RNF8: variants seen among roughly 807,000 people sequenced by gnomAD.
The protein encoded by RNF8 is ring finger protein 8, also known as E3 ubiquitin-protein ligase RNF8.
A neutral mutation model predicts 59.3 loss-of-function variants in RNF8; 8 were observed. The observed-to-expected ratio is 0.13, with a 90% confidence interval of 0.08 to 0.24. The LOEUF (loss-of-function observed/expected upper bound fraction) is 0.24. Among genes scored for constraint, RNF8 ranks in the 10% least tolerant of loss-of-function variants. The probability of loss-of-function intolerance (pLI) is 1.00; values close to 1 mark genes in which losing one functional copy is unlikely to be tolerated. For missense variants in RNF8, 406 were observed against 572.6 expected, an observed-to-expected ratio of 0.71 and a Z score of 2.97; for synonymous variants, 162 against 200.0, an observed-to-expected ratio of 0.81 and a Z score of 1.60.
Position 37,358,078 on chromosome 6 carries a change from A to G in RNF8, c.112-2368A>G, listed in dbSNP as rs967275049. On this transcript the variant is annotated intron_variant, in intron 1 of 7. Transcript: ENST00000373479. Reference sequence around the variant, plus strand: ...GAGTAGGCTTATGAGTAGCTGGAACATGAAAGATAAGGAGCCTGTGCAAGA... The same window carrying G: ...GAGTAGGCTTATGAGTAGCTGGAACGTGAAAGATAAGGAGCCTGTGCAAGA... 3.9e-5 allele frequency among the ~76,000 whole-genome samples: 6 copies of G among 152,358 alleles called. No homozygotes were observed. In the South Asian group the frequency reaches 1.0e-3, roughly 26 times the overall value.
At chr6:37,386,151 A>G (rs1312249550) in intron 7 of RNF8, among the ~76,000 whole-genome samples, 1 of 152,050 alleles carries the variant, frequency 6.6e-6, no homozygotes, top group African/African-American at 2.4e-5. Flanking sequence ...TTTTTCCCCT[A>G]TCACTCTTAT....
intron 3 of RNF8, 112 bp downstream of exon 3, chr6:37,369,330 A>G: frequency 1.6e-6 from 2 of 1,276,224 alleles, no homozygotes; most frequent in Non-Finnish European, 2.1e-6. Flanking sequence ...TCTGAGCACC[A>G]AAGACAGGAA....
At chr6:37,388,077 T>G (rs1366490701) in intron 7 of RNF8, among the ~76,000 whole-genome samples, 1 of 152,134 alleles carries the variant, frequency 6.6e-6, no homozygotes, top group African/African-American at 2.4e-5. Context: ...TTAGTCTGGC[T>G]GTAGTGAAGA....
intron 7 of RNF8, among the ~76,000 whole-genome samples, chr6:37,389,913 G>A (rs531225121): frequency 5.3e-5 from 8 of 152,338 alleles, no homozygotes; most frequent in African/African-American, 1.9e-4. Flanking sequence ...AACTTCTGTA[G>A]TCCTTTCAAT....
intron 6 of RNF8, among the ~76,000 whole-genome samples, chr6:37,379,848 T>TA (rs1471056822): frequency 6.6e-6 from 1 of 152,228 alleles, no homozygotes; most frequent in Non-Finnish European, 1.5e-5. Context: ...TTTTTCTTTT[T>TA]AAAAAATTTG....
Position 37,387,581 on chromosome 6 carries a change from A to C in RNF8, c.1442-3161A>C, listed in dbSNP as rs377005069. 4.8e-4 allele frequency among the ~76,000 whole-genome samples: 73 copies of C among 152,278 alleles called. No individual in the cohort carries two copies. In the South Asian group the frequency reaches 0.014, roughly 29 times the overall value. ...GGTCTTGAACTCCTGGGCTCATAGG[A>C]TCAGCCCACCTCAGCTTCCCACAGC... On this transcript the variant is annotated intron_variant, in intron 7 of 7. Transcript: ENST00000373479.
In RNF8 at chr6:37,354,168, G is replaced by T; in HGVS notation, c.4G>T (p.Gly2Trp). 6.4e-7 allele frequency: 1 copy of T among 1,574,426 alleles called. No homozygotes were observed. Among genetic ancestry groups the T allele is most frequent in the East Asian group, 2.4e-5 (1 of 42,498 alleles). Residue 2 changes from glycine (G) to tryptophan (W), a missense_variant, in exon 1 of 8, where the codon GGG becomes TGG. Physicochemically the swap from Gly to Trp is radical, Grantham distance 184 (BLOSUM62 -2). Coordinates refer to ENST00000373479, the MANE Select transcript of RNF8 (RefSeq NM_003958.4). MGEPGFFVTGDR... is the reference protein window; with the variant it reads MWEPGFFVTGDR... ...CGCCCCCGGGGTCGAGTAGGCGATG[G>T]GGGAGCCCGGCTTCTTCGTCACAGG... is the stretch of plus-strand genomic sequence containing the variant.
rs371153772 is a variant in RNF8, at chr6:37,392,181, A to G, written c.*1423A>G. On this transcript the variant is annotated 3_prime_UTR_variant, in exon 8 of 8. Coordinates refer to ENST00000373479, the MANE Select transcript of RNF8 (RefSeq NM_003958.4). ...TAAAAGTACTTACTATAACCACATC[A>G]TAAGAATTCTGGAAAAATAGAGAAC... 1 of 326,018 alleles carries G rather than the reference A, an allele frequency of 3.1e-6. No homozygotes were observed. The highest frequency in any genetic ancestry group is 4.8e-5 in the East Asian group (1 of 20,820). The allele number at this position is 326,018 out of a possible 1,614,324, so 20.2% of individuals were successfully genotyped here. A position where few individuals can be genotyped will look rare whatever the true frequency, so the allele number is the denominator to read the frequency against.
chr6:37,383,300 T>G lies in RNF8; in HGVS notation c.1441+1946T>G, dbSNP rs113767621. 5.2e-3 allele frequency among the ~76,000 whole-genome samples: 797 copies of G among 152,358 alleles called. 8 individuals carry two copies. Among genetic ancestry groups the G allele is most frequent in the South Asian group, 0.033 (160 of 4,830 alleles). On this transcript the variant is annotated intron_variant, in intron 7 of 7. Coordinates refer to ENST00000373479, the MANE Select transcript of RNF8 (RefSeq NM_003958.4). ...TTTAGGGAAAGACATGCCAGAGCTA[T>G]CAACAGCTTCACTGGGTTTAGAGAA... is the stretch of plus-strand genomic sequence containing the variant.
Position 37,392,152 on chromosome 6 carries a change from G to A in RNF8, c.*1394G>A. The A allele has an allele frequency of 3.8e-6, 1 of 261,350 alleles. No individual in the cohort carries two copies. Among genetic ancestry groups the A allele is most frequent in the Non-Finnish European group, 7.1e-6 (1 of 140,208 alleles). 16.2% of individuals were successfully genotyped at this position (261,350 alleles called of 1,614,324 possible). ...GAAGTAAGTTAAATGTGGAAAAAAT[G>A]CTTTAAAAGTACTTACTATAACCAC... On this transcript the variant is annotated 3_prime_UTR_variant, in exon 8 of 8. Coordinates refer to ENST00000373479, the MANE Select transcript of RNF8 (RefSeq NM_003958.4).
At chr6:37,382,495 T>C (rs1770312493) in intron 7 of RNF8, among the ~76,000 whole-genome samples, 7 of 152,022 alleles carry the variant, frequency 4.6e-5, no homozygotes, top group Admixed American at 4.6e-4. Flanking sequence ...CTTTGTGAAT[T>C]TTTTTTTCTT....
At chr6:37,372,179 A>G (rs769704524) in intron 4 of RNF8, among the ~76,000 whole-genome samples, 1 of 152,138 alleles carries the variant, frequency 6.6e-6, no homozygotes, top group Non-Finnish European at 1.5e-5. Context: ...AAAACCTACT[A>G]TGTCTTCTAC....
intron 1 of RNF8, among the ~76,000 whole-genome samples, chr6:37,356,049 C>G (rs1313088130): frequency 6.6e-6 from 1 of 152,146 alleles, no homozygotes; most frequent in Non-Finnish European, 1.5e-5. Context: ...CTTGTCAGTA[C>G]TGCAGTCTTG....
intron 5 of RNF8, among the ~76,000 whole-genome samples, chr6:37,375,824 C>T (rs1395672894): frequency 6.6e-6 from 1 of 152,248 alleles, no homozygotes; most frequent in Non-Finnish European, 1.5e-5. Context: ...CTCTCCCCCT[C>T]AGGGGCTCTT....
Position 37,368,957 on chromosome 6 carries a change from C to T in RNF8, c.714C>T (p.Asn238=), listed in dbSNP as rs1243666068. The change falls in exon 3 of 8, where the codon AAC becomes AAT. Residue 238 remains asparagine, a synonymous_variant. Transcript: ENST00000373479. ...TTCATCATGAGCAGAAAGCCTCAAA[C>T]TCTTCAGCATCTCAGAGAAGCTTAC... ...TEVHHEQKAS[N]SSASQRSLQM... 1.2e-6 allele frequency: 2 copies of T among 1,614,214 alleles called. No homozygotes were observed. Among genetic ancestry groups the T allele is most frequent in the South Asian group, 1.1e-5 (1 of 91,076 alleles).
chr6:37,390,660 G>C (rs996068430), intron 7 of RNF8, 82 bp from the exon 8 acceptor site: 13 of 973,244 alleles, frequency 1.3e-5, no homozygotes, highest in African/African-American at 3.2e-5. Flanking sequence ...GAAGAGACAG[G>C]GTGGCGAGGC....
chr6:37,354,036 C>A lies in RNF8; in HGVS notation c.-129C>A. On this transcript the variant is annotated 5_prime_UTR_variant, in exon 1 of 8. Coordinates refer to ENST00000373479, the MANE Select transcript of RNF8 (RefSeq NM_003958.4). ...GGGCGAGCGGAGCCTGCTTTCGCAG[C>A]GATCGCGAGCGTGTGGCGATTGCTT... 1.2e-6 allele frequency: 1 copy of A among 803,598 alleles called. No homozygotes were observed. The highest frequency in any genetic ancestry group is 2.0e-6 in the Non-Finnish European group (1 of 490,658). 49.8% of individuals were successfully genotyped at this position (803,598 alleles called of 1,614,324 possible).
intron 3 of RNF8, among the ~76,000 whole-genome samples, 192 bp from the exon 4 acceptor site, chr6:37,371,320 A>G (rs1769793117): frequency 6.6e-6 from 1 of 152,170 alleles, no homozygotes; most frequent in African/African-American, 2.4e-5. Flanking sequence ...AGTGTGCAGT[A>G]TTTGAGCAGA....
intron 1 of RNF8, among the ~76,000 whole-genome samples, chr6:37,357,414 C>T (rs1292851790): frequency 1.3e-5 from 2 of 152,196 alleles, no homozygotes; most frequent in Admixed American, 1.3e-4. Flanking sequence ...AAAAGGCACT[C>T]TTCTACTGTT....
Sources: gnomAD v4.1 joint callset for allele counts (sites outside exome capture counted in the v4.1 genomes callset) on GRCh38, gnomAD v4.1.1 for gene constraint, MANE v1.5 for transcripts, NCBI Gene and HGNC (gene_info 2026-07-23, HGNC 2026-07-21) for gene names.